Variants in RAB26 observed in about 807,000 individuals in gnomAD.
RAB26 encodes ras-related protein Rab-26.
In RAB26, 39 loss-of-function variants were observed where a neutral mutation model predicts 33.1. The observed-to-expected ratio is 1.18, with a 90% confidence interval of 0.91 to 1.54. The LOEUF (loss-of-function observed/expected upper bound fraction) is 1.54. RAB26 is among the 40% of genes most tolerant of loss of function. The pLI, the probability that RAB26 is intolerant of heterozygous loss-of-function variation, is 0.00. For missense variants in RAB26, 468 were observed against 362.9 expected (o/e 1.29, Z -2.35); for synonymous variants, 192 against 151.9 (o/e 1.26, Z -1.94).
intron 2 of RAB26, among the ~76,000 whole-genome samples, chr16:2,150,770 G>A (rs1410323402): frequency 1.3e-5 from 2 of 152,208 alleles, no homozygotes; most frequent in African/African-American, 2.4e-5. Context: ...CATTTGGTTC[G>A]CACTCTCGTT....
Position 2,151,601 on chromosome 16 carries a change from G to A in RAB26, c.339G>A (p.Val113=). ...NKVLDVDGVK[V]KLQMWDTAGQ... ...TTCTGGACGTGGATGGTGTGAAGGT[G>A]AAGCTGCAGGTAAGGTGACTGGCAG... Residue 113 remains valine (V), a synonymous_variant, in exon 3 of 9, where the codon GTG becomes GTA. Transcript: ENST00000210187. 1 of 1,614,024 alleles carries A rather than the reference G, an allele frequency of 6.2e-7. No homozygotes were observed. Among genetic ancestry groups the A allele is most frequent in the African/African-American group, 1.3e-5 (1 of 75,068 alleles).
At position 2,153,795 on chromosome 16, in the gene RAB26, CAGGCAGCTAAGGG is replaced by C. The variant is rs2141254692; in HGVS notation, c.*378_*390del. ...AGCCATGTCTTCAGCCGCACATGCT[CAGGCAGCTAAGGG>C]AGGACGCCTGCCCACGCCTGGGACA... is the stretch of plus-strand genomic sequence containing the variant. On this transcript the variant is annotated 3_prime_UTR_variant, in exon 9 of 9. Transcript: ENST00000210187. 2.1e-6 allele frequency: 1 copy of C among 474,018 alleles called. No homozygotes were observed. The highest frequency in any genetic ancestry group is 4.2e-6 in the Non-Finnish European group (1 of 239,088). 29.4% of individuals were successfully genotyped at this position (474,018 alleles called of 1,614,324 possible).
intron 1 of RAB26, among the ~76,000 whole-genome samples, chr16:2,149,695 A>G (rs1301518313): frequency 6.6e-6 from 1 of 152,068 alleles, no homozygotes; most frequent in African/African-American, 2.4e-5. Context: ...GACGTTAGGG[A>G]GGGTCCGGGA....
rs1044934484 is a variant in RAB26, at chr16:2,153,811, G to A, written c.*390G>A. 2.1e-6 allele frequency: 1 copy of A among 468,496 alleles called. No homozygotes were observed. Among genetic ancestry groups the A allele is most frequent in the African/African-American group, 2.0e-5 (1 of 50,636 alleles). 29.0% of individuals were successfully genotyped at this position (468,496 alleles called of 1,614,324 possible). ...GCACATGCTCAGGCAGCTAAGGGAG[G>A]ACGCCTGCCCACGCCTGGGACAGAA... On this transcript the variant is annotated 3_prime_UTR_variant, in exon 9 of 9. Transcript: ENST00000210187.
At chr16:2,152,693 C>CAAAAA (rs58347017) in intron 5 of RAB26, 127 bp from the exon 6 acceptor site, 58 of 349,686 alleles carry the variant, frequency 1.7e-4, no homozygotes, top group Middle Eastern at 7.9e-4. Context: ...ACTCTTGTCT[C>CAAAAA]AAAAAAAAAA....
rs78587708 is a variant in RAB26 at position 2,153,658 on chromosome 16, G to C, written c.*237G>C. On this transcript the variant is annotated 3_prime_UTR_variant, in exon 9 of 9. Transcript: ENST00000210187. ...GGAAAAGCAGTCTTCTGCACGGGAC[G>C]GGGAGCGGCAAGTGGACAGACTTTG... 6.0e-6 allele frequency: 4 copies of C among 661,490 alleles called. No homozygotes were observed. The highest frequency in any genetic ancestry group is 3.0e-5 in the South Asian group (2 of 66,104). The allele number at this position is 661,490 out of a possible 1,614,324, so 41.0% of individuals were successfully genotyped here.
intron 2 of RAB26, chr16:2,151,240 C>A: frequency 1.9e-6 from 1 of 536,324 alleles, no homozygotes; most frequent in Non-Finnish European, 3.5e-6. Context: ...GCAAAAAGAG[C>A]TACTGGGAAG....
Position 2,151,740 on chromosome 16 carries a change from G to A in RAB26, c.394G>A (p.Ala132Thr). The change falls in exon 4 of 9, where the codon GCC becomes ACC. Residue 132 changes from alanine (A) to threonine (T), a missense_variant. Coordinates refer to ENST00000210187, the MANE Select transcript of RAB26 (RefSeq NM_014353.5). ...GQERFRSVTH[A>T]YYRDAHALLL... Reference sequence around the variant, plus strand: ...GGAGCGGTTCCGCAGTGTTACCCATGCCTACTACCGGGATGCTCATGGTGA... The same window carrying A: ...GGAGCGGTTCCGCAGTGTTACCCATACCTACTACCGGGATGCTCATGGTGA... 2 of 1,613,998 alleles carry A rather than the reference G, an allele frequency of 1.2e-6. No homozygotes were observed. The highest frequency in any genetic ancestry group is 1.7e-6 in the Non-Finnish European group (2 of 1,180,036).
In RAB26 at chr16:2,152,823, T is replaced by C. The variant is rs2093010081; in HGVS notation, c.472T>C (p.Trp158Arg). ...NKASFDNIQA[W>R]LTEIHEYAQH... ...CCTGGTCTGCTGCCTCCCACAGGCC[T>C]GGCTGACCGAGATCCACGAGTACGC... is the stretch of plus-strand genomic sequence containing the variant. Residue 158 changes from tryptophan (W) to arginine (R), a missense_variant, in exon 6 of 9, where the codon TGG (tryptophan) becomes CGG (arginine). Transcript: ENST00000210187. 6.2e-7 allele frequency: 1 copy of C among 1,605,326 alleles called. No individual in the cohort carries two copies. The highest frequency in any genetic ancestry group is 8.5e-7 in the Non-Finnish European group (1 of 1,177,566).
intron 2 of RAB26, chr16:2,151,190 C>G: frequency 2.1e-6 from 1 of 477,054 alleles, no homozygotes. Context: ...ACTGCAACCT[C>G]CAACTTCTGG....
chr16:2,151,296 AG>A, intron 2 of RAB26: 1 of 590,206 alleles, frequency 1.7e-6, no homozygotes, highest in African/African-American at 1.8e-5. Flanking sequence ...TTTGCAGATG[AG>A]GAAACCGAGG....
At chr16:2,149,171 C>G (rs1023482903) in intron 1 of RAB26, among the ~76,000 whole-genome samples, 193 bp downstream of exon 1, 4 of 152,176 alleles carry the variant, frequency 2.6e-5, no homozygotes, top group Admixed American at 2.6e-4. Flanking sequence ...TATCCAACAG[C>G]TGGCAGGGCC....
Position 2,148,679 on chromosome 16 carries a change from C to CGCA in RAB26, c.-103_-102insAGC. ...CCGCCGCCGCCGCCGCCGCCGCCGCCGCCAGGGGAAGGGTTCGGGTCCGGG... is the reference window on the plus strand; with the variant it reads ...CCGCCGCCGCCGCCGCCGCCGCCGCCGCAGCCAGGGGAAGGGTTCGGGTCCGGG... On this transcript the variant is annotated 5_prime_UTR_variant, in exon 1 of 9. Coordinates refer to ENST00000210187, the MANE Select transcript of RAB26 (RefSeq NM_014353.5). 2 of 1,074,004 alleles carry CGCA rather than the reference C, an allele frequency of 1.9e-6. No individual in the cohort carries two copies. Among genetic ancestry groups the CGCA allele is most frequent in the Non-Finnish European group, 2.3e-6 (2 of 862,050 alleles). The allele number at this position is 1,074,004 out of a possible 1,614,324, so 66.5% of individuals were successfully genotyped here.
chr16:2,153,333 G>T lies in RAB26; in HGVS notation c.683G>T (p.Arg228Leu). The change falls in exon 9 of 9, where the codon CGC (arginine) becomes CTC (leucine). Residue 228 changes from arginine (R) to leucine (L), a missense_variant. Transcript: ENST00000210187. ...FTAIAKELKQ[R>L]SMKAPSEPRF... ...CCACTCCGCAGGGAGTTGAAGCAGC[G>T]CTCCATGAAGGCTCCCAGCGAGCCG... The T allele has an allele frequency of 6.2e-7, 1 of 1,613,506 alleles. No individual in the cohort carries two copies. The highest frequency in any genetic ancestry group is 1.3e-5 in the African/African-American group (1 of 75,060).
chr16:2,148,873 C>T lies in RAB26; in HGVS notation c.90C>T (p.Arg30=), dbSNP rs375104891. The change falls in exon 1 of 9, where the codon CGC becomes CGT. Residue 30 remains arginine (R), a synonymous_variant. Transcript: ENST00000210187. ...LPTANGARPA[R]SGTALSGPDA... ...CCGCCAACGGGGCCCGACCGGCGCG[C>T]TCCGGGACTGCGCTTTCCGGCCCCG... 4.4e-4 allele frequency: 608 copies of T among 1,394,596 alleles called. 1 individual carries two copies. The highest frequency in any genetic ancestry group is 3.9e-4 in the Non-Finnish European group (416 of 1,072,388). The allele number at this position is 1,394,596 out of a possible 1,614,324, so 86.4% of individuals were successfully genotyped here.
chr16:2,152,996 C>G lies in RAB26; in HGVS notation c.542C>G (p.Ser181Cys). 10 of 1,588,536 alleles carry G rather than the reference C, an allele frequency of 6.3e-6. No homozygotes were observed. The highest frequency in any genetic ancestry group is 8.6e-6 in the Non-Finnish European group (10 of 1,163,902). Residue 181 changes from serine to cysteine, a missense_variant, in exon 7 of 9, where the codon TCT becomes TGT. By Grantham distance (112) the Ser-to-Cys change is moderately radical. Transcript: ENST00000210187. ...ALMLLGNKVD[S>C]AHERVVKRED... The stretch of plus-strand genomic sequence containing the variant: ...ACCCTGTGCCTGGGCCAGGTGGACT[C>G]TGCCCATGAGCGTGTGGTGAAGAGG...
chr16:2,152,143 G>A (rs558928425), intron 5 of RAB26, among the ~76,000 whole-genome samples: 4 of 152,258 alleles, frequency 2.6e-5, no homozygotes, highest in East Asian at 1.9e-4. Context: ...GGTACACGGG[G>A]GGTTATCACT....
Position 2,153,511 on chromosome 16 carries a change from A to G in RAB26, c.*90A>G, listed in dbSNP as rs2093014268. On this transcript the variant is annotated 3_prime_UTR_variant, in exon 9 of 9. Coordinates refer to ENST00000210187, the MANE Select transcript of RAB26 (RefSeq NM_014353.5). ...CCAGGCCCTTCTGACTTTGTTGCCC[A>G]GTGGCCAACGCCCGAGTGTCTGTTT... The G allele has an allele frequency of 8.2e-7, 1 of 1,220,650 alleles. No individual in the cohort carries two copies. Among genetic ancestry groups the G allele is most frequent in the East Asian group, 2.5e-5 (1 of 40,564 alleles). 75.6% of individuals were successfully genotyped at this position (1,220,650 alleles called of 1,614,324 possible). A position where few individuals can be genotyped will look rare whatever the true frequency, so the allele number is the denominator to read the frequency against.
In RAB26 at chr16:2,153,377, T is replaced by C. The variant is rs772959191; in HGVS notation, c.727T>C (p.Tyr243His). The C allele has an allele frequency of 6.2e-7, 1 of 1,613,386 alleles. No individual in the cohort carries two copies. Among genetic ancestry groups the C allele is most frequent in the Non-Finnish European group, 8.5e-7 (1 of 1,180,012 alleles). The change falls in exon 9 of 9, where the codon TAC becomes CAC. Residue 243 changes from tyrosine to histidine, a missense_variant. Transcript: ENST00000210187. ...CGAGCCGCGCTTCCGGCTGCATGATTACGTTAAGAGGGAGGGTCGAGGGGC... is the reference window on the plus strand; with the variant it reads ...CGAGCCGCGCTTCCGGCTGCATGATCACGTTAAGAGGGAGGGTCGAGGGGC... The part of the protein sequence containing the change: ...PSEPRFRLHD[Y>H]VKREGRGASC...
Sources: gnomAD v4.1 joint callset for allele counts (sites outside exome capture counted in the v4.1 genomes callset) on GRCh38, gnomAD v4.1.1 for gene constraint, MANE v1.5 for transcripts, NCBI Gene and HGNC (gene_info 2026-07-23, HGNC 2026-07-21) for gene names.